Variants in CCDC14 observed in about 807,000 individuals in gnomAD.
The protein encoded by CCDC14 is coiled-coil domain containing 14.
CCDC14 carries 71 observed loss-of-function variants against 81.4 expected under a neutral mutation model. The ratio of observed to expected loss-of-function variants is 0.87; its 90% CI spans 0.72 to 1.06. The LOEUF (loss-of-function observed/expected upper bound fraction) is 1.06. CCDC14 is among the 50% of genes least tolerant of loss of function. CCDC14 has a pLI of 0.00. For synonymous variants in CCDC14, 332 were observed against 364.8 expected (o/e 0.91, Z 1.03); for missense variants, 1,046 against 1,047.3 (o/e 1.00, Z 0.02).
intron 12 of CCDC14, among the ~76,000 whole-genome samples, chr3:123,916,012 T>TA (rs2034666855): frequency 4.1e-5 from 6 of 146,334 alleles, no homozygotes; most frequent in Non-Finnish European, 7.4e-5. Flanking sequence ...TTTTTTTTTT[T>TA]AATTGAGATA....
intron 9 of CCDC14, among the ~76,000 whole-genome samples, chr3:123,942,548 G>A (rs965492873): frequency 6.6e-6 from 1 of 151,920 alleles, no homozygotes; most frequent in African/African-American, 2.4e-5. Context: ...GCCTCTACAG[G>A]CTCCAGATAC....
chr3:123,945,513 C>T (rs2036580893), intron 8 of CCDC14, among the ~76,000 whole-genome samples: 1 of 151,960 alleles, frequency 6.6e-6, no homozygotes. Flanking sequence ...CACAAGCAGC[C>T]ACATCTCATT....
chr3:123,933,402 TTG>T, intron 10 of CCDC14: 1 of 393,500 alleles, frequency 2.5e-6, no homozygotes, highest in Non-Finnish European at 4.5e-6. Context: ...ATAGTTCTAT[TTG>T]TGCCTGGCAC....
chr3:123,947,147 CCATTA>C lies in CCDC14; in HGVS notation c.852_856del (p.Gly286SerfsTer8), dbSNP rs1316151839. 1 of 1,613,826 alleles carries C rather than the reference CCATTA, an allele frequency of 6.2e-7. No individual in the cohort carries two copies. Among genetic ancestry groups the C allele is most frequent in the Admixed American group, 1.7e-5 (1 of 59,998 alleles). ...ATGAATTCCTTGTTGTGGCAGAATT[CCATTA>C]ACAAGGCCCAGTTGCTGCAATGTTG... On this transcript the variant is annotated frameshift_variant, in exon 8 of 13. Coordinates refer to ENST00000409697, the MANE Select transcript of CCDC14 (RefSeq NM_001366335.1). LOFTEE classifies it high-confidence loss of function.
At chr3:123,949,166 T>A in intron 5 of CCDC14, 34 bp from the exon 6 acceptor site, 1 of 1,365,784 alleles carries the variant, frequency 7.3e-7, no homozygotes, top group Non-Finnish European at 1.0e-6. Flanking sequence ...TCTTGAAATA[T>A]GATTCTTCAA....
intron 5 of CCDC14, among the ~76,000 whole-genome samples, chr3:123,950,936 CA>C (rs1416467913): frequency 6.6e-6 from 1 of 151,626 alleles, no homozygotes; most frequent in African/African-American, 2.4e-5. Flanking sequence ...ATACTATAAC[CA>C]GTGAAAATAG....
chr3:123,906,476 AATC>A (rs1203438721), intron 5 of CCDC14, among the ~76,000 whole-genome samples: 1 of 151,950 alleles, frequency 6.6e-6, no homozygotes, highest in African/African-American at 2.4e-5. Context: ...GTGTAATAGA[AATC>A]ATAGGAGAGA....
chr3:123,957,699 T>C (rs2037408357), intron 1 of CCDC14: 1 of 152,040 alleles, frequency 6.6e-6, no homozygotes, highest in Non-Finnish European at 1.5e-5. Context: ...TGGTTGCCTC[T>C]GGGGAGGGAA....
downstream of CCDC14, among the ~76,000 whole-genome samples, chr3:123,913,154 T>C (rs1359353219): frequency 6.6e-6 from 1 of 152,222 alleles, no homozygotes; most frequent in Non-Finnish European, 1.5e-5. Flanking sequence ...ACCAAATTAT[T>C]GCATGTTCCT....
chr3:123,931,576 C>T, intron 10 of CCDC14, 50 bp from the exon 11 acceptor site: 1 of 792,346 alleles, frequency 1.3e-6, no homozygotes, highest in South Asian at 2.7e-5. Context: ...CTAAAAAGTA[C>T]AAACTTGGAA....
chr3:123,902,917 G>A (rs2034207585), intron 5 of CCDC14, among the ~76,000 whole-genome samples: 1 of 151,846 alleles, frequency 6.6e-6, no homozygotes, highest in Non-Finnish European at 1.5e-5. Flanking sequence ...CCATCATCTA[G>A]GTTTTAGGCC....
At chr3:123,917,095 G>C (rs1438218225) in intron 12 of CCDC14, among the ~76,000 whole-genome samples, 1 of 151,460 alleles carries the variant, frequency 6.6e-6, no homozygotes, top group Admixed American at 6.6e-5. Context: ...CACCCGCCTC[G>C]GCCTCCCAAA....
chr3:123,934,380 C>T (rs1193579371), intron 9 of CCDC14, among the ~76,000 whole-genome samples: 2 of 150,134 alleles, frequency 1.3e-5, no homozygotes, highest in African/African-American at 4.9e-5. Flanking sequence ...TTTCTATCTG[C>T]TCATGCTGTT....
At chr3:123,941,766 T>C (rs1295594618) in intron 9 of CCDC14, among the ~76,000 whole-genome samples, 1 of 152,042 alleles carries the variant, frequency 6.6e-6, no homozygotes, top group African/African-American at 2.4e-5. Flanking sequence ...AACAAATACC[T>C]TTTAAAAAAA....
At chr3:123,938,064 T>G (rs1393924431) in intron 9 of CCDC14, among the ~76,000 whole-genome samples, 1 of 151,912 alleles carries the variant, frequency 6.6e-6, no homozygotes, top group African/African-American at 2.4e-5. Context: ...GTTTTGAAAT[T>G]GAATAGTACC....
At position 123,947,065 on chromosome 3, in the gene CCDC14, A is replaced by G. The variant is rs772658787; in HGVS notation, c.939T>C (p.His313=). ...IQTYLSLFRS[H]GKETHLDSQT... The stretch of plus-strand genomic sequence containing the variant: ...GACTGTCCAGATGCGTTTCTTTTCC[A>G]TGAGATCGAAAAAGAGACAAATATG... The change falls in exon 8 of 13, where the codon CAT becomes CAC. Residue 313 remains histidine (H), a synonymous_variant. Coordinates refer to ENST00000409697, the MANE Select transcript of CCDC14 (RefSeq NM_001366335.1). The G allele has an allele frequency of 1.9e-6, 3 of 1,613,956 alleles. No homozygotes were observed. The highest frequency in any genetic ancestry group is 2.2e-5 in the East Asian group (1 of 44,880).
chr3:123,952,418 T>A (rs547951726), intron 5 of CCDC14, among the ~76,000 whole-genome samples: 1 of 152,330 alleles, frequency 6.6e-6, no homozygotes, highest in South Asian at 2.1e-4. Flanking sequence ...GACAGCAATG[T>A]ATGTTACTAA....
At chr3:123,919,999 A>T (rs1304175374) in intron 12 of CCDC14, among the ~76,000 whole-genome samples, 1 of 152,204 alleles carries the variant, frequency 6.6e-6, no homozygotes, top group Admixed American at 6.5e-5. Context: ...AAATATAGAT[A>T]AAAAATTAAA....
chr3:123,910,199 T>A (rs1285648314), downstream of CCDC14, among the ~76,000 whole-genome samples: 1 of 152,088 alleles, frequency 6.6e-6, no homozygotes, highest in East Asian at 1.9e-4. Context: ...ACACCAAGAA[T>A]GACAATGTGA....
Sources: allele counts gnomAD v4.1 joint callset (sites outside exome capture counted in the v4.1 genomes callset), GRCh38; gene constraint gnomAD v4.1.1; transcripts MANE v1.5; gene names NCBI Gene and HGNC (gene_info 2026-07-23, HGNC 2026-07-21).